IQUB: variants seen among roughly 807,000 people sequenced by gnomAD.
The protein encoded by IQUB is IQ motif and ubiquitin domain containing.
A neutral mutation model predicts 86.4 loss-of-function variants in IQUB; 86 were observed. The observed-to-expected ratio is 1.00, with a 90% CI of 0.84 to 1.19. The LOEUF (loss-of-function observed/expected upper bound fraction) is 1.19. Among genes scored for constraint, IQUB ranks in the 50% most tolerant of loss-of-function variants. IQUB has a pLI of 0.00. For synonymous variants in IQUB, 289 were observed against 304.5 expected (o/e 0.95, Z 0.53); for missense variants, 946 against 916.9 (o/e 1.03, Z -0.41).
intron 3 of IQUB, among the ~76,000 whole-genome samples, chr7:123,506,578 G>A (rs79080970): frequency 6.6e-6 from 1 of 152,088 alleles, no homozygotes; most frequent in Non-Finnish European, 1.5e-5. Flanking sequence ...AGGGGGAGGT[G>A]CTGAACACTT....
chr7:123,460,141 G>C (rs1330771808), intron 11 of IQUB, among the ~76,000 whole-genome samples: 5 of 151,924 alleles, frequency 3.3e-5, no homozygotes, highest in African/African-American at 1.2e-4. Flanking sequence ...CTGGTACTTA[G>C]TAGCGTAAAC....
At chr7:123,513,140 C>T (rs988178295) in intron 1 of IQUB, among the ~76,000 whole-genome samples, 7 of 152,138 alleles carry the variant, frequency 4.6e-5, no homozygotes, top group Non-Finnish European at 1.0e-4. Context: ...GGTGGAAAAG[C>T]TCTCTCTGGG....
In IQUB at chr7:123,461,385, T is replaced by A. The variant is rs755928030; in HGVS notation, c.1979A>T (p.Asp660Val). The change falls in exon 11 of 13, where the codon GAT (aspartate) becomes GTT (valine). Residue 660 changes from aspartate to valine, a missense_variant. By Grantham distance (152) the Asp-to-Val change is radical. Coordinates refer to ENST00000324698, the MANE Select transcript of IQUB (RefSeq NM_178827.5). ...QLYYTEADYE[D>V]DSKIAFLMQL... ...CATCAAGAAAGCAATTTTAGAATCA[T>A]CTTCATAATCAGCTTCTGTATAGTA... The A allele has an allele frequency of 3.7e-6, 6 of 1,607,918 alleles. No homozygotes were observed. The highest frequency in any genetic ancestry group is 1.7e-4 in the Middle Eastern group (1 of 6,040).
At chr7:123,464,146 TTC>T in intron 10 of IQUB, among the ~76,000 whole-genome samples, 1 of 152,016 alleles carries the variant, frequency 6.6e-6, no homozygotes, top group East Asian at 1.9e-4. Context: ...AAAACTATAA[TTC>T]TCTGACAACA....
chr7:123,511,816 G>A (rs1272690776), intron 2 of IQUB, 128 bp downstream of exon 2: 2 of 637,270 alleles, frequency 3.1e-6, no homozygotes, highest in Admixed American at 3.4e-5. Flanking sequence ...CTGGAAGTTT[G>A]GTGGATAAGG....
chr7:123,528,056 C>T (rs995196573), intron 1 of IQUB, among the ~76,000 whole-genome samples: 5 of 152,202 alleles, frequency 3.3e-5, no homozygotes, highest in Admixed American at 1.3e-4. Flanking sequence ...GCGCAGTATT[C>T]GGGTGGGAGT....
intron 1 of IQUB, among the ~76,000 whole-genome samples, chr7:123,529,094 A>T (rs1246787806): frequency 6.6e-6 from 1 of 152,190 alleles, no homozygotes; most frequent in Admixed American, 6.5e-5. Context: ...TTAAGAGAGT[A>T]ATATGTGCTT....
Position 123,479,926 on chromosome 7 carries a change from C to CAGT in IQUB, c.1276_1278dup (p.Thr426dup). The CAGT allele has an allele frequency of 6.2e-7, 1 of 1,612,830 alleles. No individual in the cohort carries two copies. Among genetic ancestry groups the CAGT allele is most frequent in the Non-Finnish European group, 8.5e-7 (1 of 1,179,334 alleles). ...CACAGAGCAGCTTTCCTTTCAGCTC[C>CAGT]AGTAAAAGATTGGTTAATACGTGTA... is the stretch of plus-strand genomic sequence containing the variant. On this transcript the variant is annotated inframe_insertion, in exon 8 of 13. Coordinates refer to ENST00000324698, the MANE Select transcript of IQUB (RefSeq NM_178827.5).
chr7:123,472,351 C>T (rs1385655146), intron 8 of IQUB, among the ~76,000 whole-genome samples: 1 of 152,048 alleles, frequency 6.6e-6, no homozygotes, highest in Non-Finnish European at 1.5e-5. Flanking sequence ...TTCATTCATT[C>T]AACAAATATT....
intron 1 of IQUB, among the ~76,000 whole-genome samples, chr7:123,514,136 T>G (rs1796546014): frequency 6.6e-6 from 1 of 152,156 alleles, no homozygotes; most frequent in Admixed American, 6.5e-5. Flanking sequence ...GAAAGTACAA[T>G]GATAAAGAAT....
intron 3 of IQUB, among the ~76,000 whole-genome samples, chr7:123,505,889 T>C (rs866298539): frequency 2.6e-5 from 4 of 152,228 alleles, no homozygotes; most frequent in Non-Finnish European, 4.4e-5. Flanking sequence ...TCTAAATTTT[T>C]ATGCTCTGCT....
chr7:123,525,407 ACTT>A, intron 1 of IQUB, among the ~76,000 whole-genome samples: 1 of 152,076 alleles, frequency 6.6e-6, no homozygotes, highest in Non-Finnish European at 1.5e-5. Context: ...CAGAGGTTCA[ACTT>A]CTTCCTGGTT....
intron 1 of IQUB, among the ~76,000 whole-genome samples, chr7:123,518,501 G>A (rs968410676): frequency 5.9e-5 from 9 of 152,062 alleles, no homozygotes. Context: ...CTGCCTCTCT[G>A]ACCTCATCTT....
chr7:123,464,961 C>T lies in IQUB; in HGVS notation c.1630G>A (p.Glu544Lys). The T allele has an allele frequency of 6.3e-7, 1 of 1,599,780 alleles. No individual in the cohort carries two copies. Among genetic ancestry groups the T allele is most frequent in the Non-Finnish European group, 8.5e-7 (1 of 1,173,634 alleles). Reference protein sequence around the residue: ...TQEILELIDREVDLMMRGVKH... With the variant: ...TQEILELIDRKVDLMMRGVKH... ...ACTCCTCTCATCATAAGGTCAACCT[C>T]TCTGTCAATCAATTCTAGAATTTCC... The change falls in exon 10 of 13, where the codon GAG (glutamate) becomes AAG (lysine). Residue 544 changes from glutamate to lysine, a missense_variant. Glu to Lys is a moderately conservative substitution (Grantham distance 56). Coordinates refer to ENST00000324698, the MANE Select transcript of IQUB (RefSeq NM_178827.5).
Position 123,512,028 on chromosome 7 carries a change from T to G in IQUB, c.313A>C (p.Asn105His). The G allele has an allele frequency of 6.2e-7, 1 of 1,613,574 alleles. No homozygotes were observed. Among genetic ancestry groups the G allele is most frequent in the Non-Finnish European group, 8.5e-7 (1 of 1,179,512 alleles). Residue 105 changes from asparagine (N) to histidine (H), a missense_variant, in exon 2 of 13, where the codon AAT becomes CAT. Coordinates refer to ENST00000324698, the MANE Select transcript of IQUB (RefSeq NM_178827.5). ...HEKQYAMQRP[N>H]DDSLAFLDKI... ...TCCAGAAATGCCAAACTATCATCAT[T>G]TGGCCTCTGCATTGCATATTGCTTT...
Position 123,452,509 on chromosome 7 carries a change from C to T in IQUB, c.*234G>A, listed in dbSNP as rs951243233. ...AACACATTTTAAAATGTTTTCTTTA[C>T]CCCAAAATATTAATTTCAGTAACAA... On this transcript the variant is annotated 3_prime_UTR_variant, in exon 13 of 13. Coordinates refer to ENST00000324698, the MANE Select transcript of IQUB (RefSeq NM_178827.5). 1.3e-5 allele frequency: 4 copies of T among 312,836 alleles called. No individual in the cohort carries two copies. Among genetic ancestry groups the T allele is most frequent in the African/African-American group, 6.4e-5 (3 of 46,592 alleles). 19.4% of individuals were successfully genotyped at this position (312,836 alleles called of 1,614,324 possible).
intron 7 of IQUB, among the ~76,000 whole-genome samples, chr7:123,493,044 T>G (rs571202212): frequency 6.6e-6 from 1 of 152,010 alleles, no homozygotes; most frequent in South Asian, 2.1e-4. Flanking sequence ...ATCCTGGGAG[T>G]GCTATAAATA....
chr7:123,460,470 T>C (rs900412518), intron 11 of IQUB, among the ~76,000 whole-genome samples: 2 of 151,960 alleles, frequency 1.3e-5, no homozygotes, highest in Non-Finnish European at 2.9e-5. Context: ...TATTTGGTAT[T>C]AAATACAATT....
chr7:123,459,651 T>TAA (rs1303170694), intron 11 of IQUB: 1 of 151,958 alleles, frequency 6.6e-6, no homozygotes, highest in African/African-American at 2.4e-5. Context: ...TATATATATA[T>TAA]AACATATATG....
Sources: allele counts gnomAD v4.1 joint callset (sites outside exome capture counted in the v4.1 genomes callset), GRCh38; gene constraint gnomAD v4.1.1; transcripts MANE v1.5; gene names NCBI Gene and HGNC (gene_info 2026-07-23, HGNC 2026-07-21).